ITPR2: variants seen among roughly 807,000 people sequenced by gnomAD.
ITPR2 encodes inositol 1,4,5-trisphosphate-gated calcium channel ITPR2.
In ITPR2, 207 loss-of-function variants were observed where a neutral mutation model predicts 317.1. That is an observed-to-expected ratio of 0.65 (90% CI 0.58 to 0.73). The LOEUF is 0.73. ITPR2 is among the 30% of genes least tolerant of loss of function. The probability of loss-of-function intolerance (pLI) is 0.00; values close to 1 mark genes in which losing one functional copy is unlikely to be tolerated. For missense variants in ITPR2, 2,613 were observed against 3,284.0 expected (o/e 0.80, Z 4.99); for synonymous variants, 1,156 against 1,149.1 (o/e 1.01, Z -0.12).
intron 55 of ITPR2, among the ~76,000 whole-genome samples, chr12:26,352,072 A>C (rs946259988): frequency 1.2e-4 from 19 of 152,194 alleles, no homozygotes; most frequent in Admixed American, 4.6e-4. Flanking sequence ...GTATCTGAGG[A>C]AATCATTACT....
chr12:26,438,380 T>C (rs899746166), intron 47 of ITPR2, among the ~76,000 whole-genome samples: 2 of 152,138 alleles, frequency 1.3e-5, no homozygotes, highest in Admixed American at 6.5e-5. Flanking sequence ...AATAGAAGTA[T>C]TGAGAACATA....
chr12:26,556,848 G>T lies in ITPR2; in HGVS notation c.4822-473C>A, dbSNP rs147722974. On this transcript the variant is annotated intron_variant, in intron 35 of 56. Transcript: ENST00000381340. ...AATCCCAGCACTTTGGGAGGCCAAGGCAGGTGGATTGCATGAGGCCAGGAT... is the reference window on the plus strand; with the variant it reads ...AATCCCAGCACTTTGGGAGGCCAAGTCAGGTGGATTGCATGAGGCCAGGAT... Among the ~76,000 whole-genome samples the T allele has an allele frequency of 3.3e-5, 5 of 151,716 alleles. No individual in the cohort carries two copies. The East Asian group carries it at 9.7e-4, about 29-fold the overall frequency.
chr12:26,354,517 G>A (rs1228692793), intron 55 of ITPR2, among the ~76,000 whole-genome samples: 1 of 152,156 alleles, frequency 6.6e-6, no homozygotes, highest in African/African-American at 2.4e-5. Flanking sequence ...TGTGTTTGCA[G>A]CCGGCCAGCT....
chr12:26,681,804 A>G, intron 13 of ITPR2, 70 bp downstream of exon 13: 3 of 1,114,088 alleles, frequency 2.7e-6, no homozygotes, highest in Non-Finnish European at 2.7e-6. Flanking sequence ...AGAGTCATTC[A>G]TTCATATCAG....
chr12:26,427,901 T>C lies in ITPR2; in HGVS notation c.6945+12A>G. The C allele has an allele frequency of 6.6e-7, 1 of 1,525,684 alleles. No homozygotes were observed. The highest frequency in any genetic ancestry group is 8.8e-7 in the Non-Finnish European group (1 of 1,133,962). 94.5% of individuals were successfully genotyped at this position (1,525,684 alleles called of 1,614,324 possible). On this transcript the variant is annotated intron_variant, in intron 49 of 56. Transcript: ENST00000381340. ...AATTCTGTAACAGTACAAAGCTAAG[T>C]AAAGTACTTACATTAGCTGCACCAA... is the stretch of plus-strand genomic sequence containing the variant.
intron 37 of ITPR2, among the ~76,000 whole-genome samples, chr12:26,504,132 T>C (rs902448359): frequency 1.3e-5 from 2 of 152,212 alleles, no homozygotes; most frequent in African/African-American, 4.8e-5. Flanking sequence ...TTCCTTGAAG[T>C]AGTGTTAAAT....
intron 32 of ITPR2, among the ~76,000 whole-genome samples, chr12:26,590,990 G>A (rs117693888): frequency 9.9e-5 from 14 of 141,566 alleles, no homozygotes; most frequent in African/African-American, 3.7e-4. Context: ...TGAAGCAAGA[G>A]AATCACTGGA....
intron 1 of ITPR2, among the ~76,000 whole-genome samples, chr12:26,811,036 C>CAAAAAAAAAAAAAAA (rs79796097): frequency 9.2e-6 from 1 of 108,314 alleles, no homozygotes; most frequent in African/African-American, 3.9e-5. Flanking sequence ...TTTTAAGTTA[C>CAAAAAAAAAAAAAAA]AAAAAAAAAA....
In ITPR2 at chr12:26,686,478, T is replaced by A; in HGVS notation, c.1148+3A>T. ...AACATCTTTTAACCATAATTTTTTT[T>A]ACCTTGGAACCAGGCAGTCAGCTCT... On this transcript the variant is annotated splice_donor_region_variant and intron_variant, in intron 11 of 56. Transcript: ENST00000381340. 1 of 1,548,920 alleles carries A rather than the reference T, an allele frequency of 6.5e-7. No homozygotes were observed. Among genetic ancestry groups the A allele is most frequent in the Non-Finnish European group, 8.7e-7 (1 of 1,149,032 alleles).
intron 2 of ITPR2, among the ~76,000 whole-genome samples, chr12:26,761,518 G>A (rs938911978): frequency 6.6e-6 from 1 of 152,216 alleles, no homozygotes; most frequent in African/African-American, 2.4e-5. Flanking sequence ...AGTGAGGTGG[G>A]CATGGTGCCT....
chr12:26,617,825 A>C (rs1946406492), intron 26 of ITPR2, among the ~76,000 whole-genome samples: 1 of 151,988 alleles, frequency 6.6e-6, no homozygotes, highest in Non-Finnish European at 1.5e-5. Context: ...GGAAGGAAAA[A>C]TTACAGGCTA....
chr12:26,448,954 T>TA (rs1941675385), intron 45 of ITPR2, among the ~76,000 whole-genome samples: 1 of 152,184 alleles, frequency 6.6e-6, no homozygotes, highest in Admixed American at 6.5e-5. Context: ...GGAATAAAGA[T>TA]GACAGAGTTG....
chr12:26,735,113 G>A (rs1355317802), intron 2 of ITPR2, among the ~76,000 whole-genome samples: 1 of 147,632 alleles, frequency 6.8e-6, no homozygotes, highest in Non-Finnish European at 1.5e-5. Context: ...CGATTCTCCT[G>A]TCTCAGCCTC....
intron 55 of ITPR2, among the ~76,000 whole-genome samples, chr12:26,352,606 A>T (rs993426312): frequency 6.6e-6 from 1 of 152,208 alleles, no homozygotes; most frequent in East Asian, 1.9e-4. Context: ...CAGGGAGGTG[A>T]TACCACAGTA....
chr12:26,383,033 T>C (rs1425258537), intron 55 of ITPR2, among the ~76,000 whole-genome samples: 2 of 152,192 alleles, frequency 1.3e-5, no homozygotes, highest in East Asian at 1.9e-4. Context: ...TTTTGGGTCA[T>C]GGGGGCAGAT....
intron 2 of ITPR2, among the ~76,000 whole-genome samples, chr12:26,749,468 G>A (rs571612186): frequency 2.0e-5 from 3 of 152,126 alleles, no homozygotes; most frequent in South Asian, 2.1e-4. Flanking sequence ...TACTGATGTG[G>A]TCCAATACAT....
At chr12:26,531,388 T>G (rs1403289702) in intron 37 of ITPR2, among the ~76,000 whole-genome samples, 1 of 152,214 alleles carries the variant, frequency 6.6e-6, no homozygotes, top group Non-Finnish European at 1.5e-5. Context: ...ACTGGTCATG[T>G]GTAATAAACT....
chr12:26,531,386 T>A (rs953415847), intron 37 of ITPR2, among the ~76,000 whole-genome samples: 1 of 152,228 alleles, frequency 6.6e-6, no homozygotes, highest in Non-Finnish European at 1.5e-5. Flanking sequence ...ACACTGGTCA[T>A]GTGTAATAAA....
At chr12:26,430,288 G>T (rs908158510) in intron 48 of ITPR2, among the ~76,000 whole-genome samples, 1 of 152,222 alleles carries the variant, frequency 6.6e-6, no homozygotes, top group Non-Finnish European at 1.5e-5. Context: ...GATTTTCTTT[G>T]AGTCTTGCTC....
Sources: allele counts gnomAD v4.1 joint callset (sites outside exome capture counted in the v4.1 genomes callset), GRCh38; gene constraint gnomAD v4.1.1; transcripts MANE v1.5; gene names NCBI Gene and HGNC (gene_info 2026-07-23, HGNC 2026-07-21).